Variants in RIMS3 observed in about 807,000 individuals in gnomAD.
RIMS3 encodes regulating synaptic membrane exocytosis 3.
A neutral mutation model predicts 29.2 loss-of-function variants in RIMS3; 15 were observed. The observed-to-expected ratio is 0.51, with a 90% CI of 0.34 to 0.79. The LOEUF is 0.79. Among genes scored for constraint, RIMS3 ranks in the 30% least tolerant of loss-of-function variants. The pLI is 0.01. For synonymous variants in RIMS3, 161 were observed against 170.1 expected (o/e 0.95, Z 0.41); for missense variants, 342 against 421.4 (o/e 0.81, Z 1.65).
Position 40,623,265 on chromosome 1 carries a change from A to C in RIMS3, c.*3252T>G, listed in dbSNP as rs1307338864. ...AACCAGATGGGGAGTCATTTTGGAG[A>C]TGATTCTTCCCTGAAGGATCAAGTT... On this transcript the variant is annotated 3_prime_UTR_variant, in exon 8 of 8. Coordinates refer to ENST00000372684, the MANE Select transcript of RIMS3 (RefSeq NM_014747.3). 2.5e-6 allele frequency: 1 copy of C among 397,156 alleles called. No homozygotes were observed. The highest frequency in any genetic ancestry group is 2.1e-5 in the African/African-American group (1 of 48,606). 24.6% of individuals were successfully genotyped at this position (397,156 alleles called of 1,614,324 possible).
chr1:40,648,780 G>A (rs1646611494), intron 1 of RIMS3, among the ~76,000 whole-genome samples: 1 of 152,190 alleles, frequency 6.6e-6, no homozygotes, highest in Non-Finnish European at 1.5e-5. Context: ...TCTGGGATCA[G>A]GGTCCCTGCA....
At chr1:40,658,758 G>A (rs1009629382) in intron 1 of RIMS3, among the ~76,000 whole-genome samples, 1 of 152,210 alleles carries the variant, frequency 6.6e-6, no homozygotes, top group Non-Finnish European at 1.5e-5. Context: ...GCAGAGAATG[G>A]CTGCTTCAAG....
At chr1:40,678,322 C>T in the RIMS3 span, among the ~76,000 whole-genome samples, 1 of 152,206 alleles carries the variant, frequency 6.6e-6, no homozygotes, top group African/African-American at 2.4e-5. Flanking sequence ...GCAGGAAAAT[C>T]GCTTGAACCT....
chr1:40,629,179 C>T (rs1006520888), intron 6 of RIMS3, 92 bp downstream of exon 6: 11 of 1,219,886 alleles, frequency 9.0e-6, no homozygotes, highest in South Asian at 2.5e-5. Context: ...TAAAGAATCC[C>T]GATTTAGGCC....
intron 1 of RIMS3, among the ~76,000 whole-genome samples, chr1:40,662,036 G>A (rs1184858921): frequency 6.6e-6 from 1 of 152,172 alleles, no homozygotes; most frequent in African/African-American, 2.4e-5. Context: ...GTAGGAGAGG[G>A]CAAAAAGTCA....
At chr1:40,645,391 C>T (rs1646587772) in intron 2 of RIMS3, among the ~76,000 whole-genome samples, 1 of 152,118 alleles carries the variant, frequency 6.6e-6, no homozygotes, top group South Asian at 2.1e-4. Context: ...AGGACTTGTT[C>T]ATACTAGCCA....
chr1:40,684,094 G>C, the RIMS3 span, among the ~76,000 whole-genome samples: 1 of 152,186 alleles, frequency 6.6e-6, no homozygotes, highest in South Asian at 2.1e-4. Flanking sequence ...ATTTGAAATT[G>C]AGCCTAAGAA....
At chr1:40,683,851 T>C in the RIMS3 span, among the ~76,000 whole-genome samples, 3 of 152,236 alleles carry the variant, frequency 2.0e-5, no homozygotes, top group Non-Finnish European at 2.9e-5. Context: ...CCTCTTTTCC[T>C]TTATTTATTC....
rs372231181 is a variant in RIMS3, at chr1:40,645,942, A to G, written c.-32+1726T>C. On this transcript the variant is annotated intron_variant, in intron 2 of 7. Transcript: ENST00000372684. ...GGCCCAGCCTGCAGGCCACTCCCCA[A>G]GGGGCAGGAGGAGCCAGACCCAAAG... Among the ~76,000 whole-genome samples, 151 of 152,282 alleles carry G rather than the reference A, an allele frequency of 9.9e-4. 2 individuals are homozygous for G. The East Asian group carries it at 0.02, about 20-fold the overall frequency.
Position 40,636,900 on chromosome 1 carries a change from G to T in RIMS3, c.218-843C>A, listed in dbSNP as rs890558332. 2.0e-5 allele frequency among the ~76,000 whole-genome samples: 3 copies of T among 152,152 alleles called. No individual in the cohort carries two copies. The highest frequency in any genetic ancestry group is 7.2e-5 in the African/African-American group (3 of 41,440). On this transcript the variant is annotated intron_variant, in intron 3 of 7. Transcript: ENST00000372684. The surrounding 1 kb of genome is among the most constrained non-coding windows in gnomAD (Gnocchi z 4.2). ...CCTGGGTTTCCATGGCAACCTCCTCGGCATTGCAGTGTGGTCCCTCTAGAC... is the reference window on the plus strand; with the variant it reads ...CCTGGGTTTCCATGGCAACCTCCTCTGCATTGCAGTGTGGTCCCTCTAGAC...
At position 40,635,799 on chromosome 1, in the gene RIMS3, AG is replaced by A; in HGVS notation, c.359+116del. ...GGTATGAAGGAAGGCAGAGACACAG[AG>A]GACCCAGACATTTTAGCTGGAAACA... On this transcript the variant is annotated intron_variant, in intron 4 of 7. Transcript: ENST00000372684. The surrounding 1 kb of genome is among the most constrained non-coding windows in gnomAD (Gnocchi z 4.1). 7.4e-7 allele frequency: 1 copy of A among 1,354,190 alleles called. No homozygotes were observed. Among genetic ancestry groups the A allele is most frequent in the Non-Finnish European group, 1.0e-6 (1 of 978,484 alleles). The allele number at this position is 1,354,190 out of a possible 1,614,324, so 83.9% of individuals were successfully genotyped here. A position where few individuals can be genotyped will look rare whatever the true frequency, so the allele number is the denominator to read the frequency against.
chr1:40,637,973 ACCT>A (rs1364855410), intron 3 of RIMS3, among the ~76,000 whole-genome samples: 2 of 151,906 alleles, frequency 1.3e-5, no homozygotes, highest in African/African-American at 4.8e-5. Flanking sequence ...AGTTGGGGTC[ACCT>A]CCTCATGACC....
intron 7 of RIMS3, among the ~76,000 whole-genome samples, chr1:40,628,006 G>A (rs569581261): frequency 3.3e-5 from 5 of 152,278 alleles, no homozygotes; most frequent in Admixed American, 6.5e-5. Flanking sequence ...ACAGCCCCTG[G>A]CTCTAGCCTC....
Position 40,623,888 on chromosome 1 carries a change from G to A in RIMS3, c.*2629C>T, listed in dbSNP as rs1646437002. 1 of 218,222 alleles carries A rather than the reference G, an allele frequency of 4.6e-6. No individual in the cohort carries two copies. Among genetic ancestry groups the A allele is most frequent in the Non-Finnish European group, 9.0e-6 (1 of 111,272 alleles). 13.5% of individuals were successfully genotyped at this position (218,222 alleles called of 1,614,324 possible). ...CCTCATGGGGTAAAATCCAGGTGGG[G>A]ATGAGTAACTTATTTGGTGCAAAGG... On this transcript the variant is annotated 3_prime_UTR_variant, in exon 8 of 8. Coordinates refer to ENST00000372684, the MANE Select transcript of RIMS3 (RefSeq NM_014747.3).
chr1:40,652,391 T>C (rs1239511631), intron 1 of RIMS3, among the ~76,000 whole-genome samples: 1 of 152,206 alleles, frequency 6.6e-6, no homozygotes, highest in Non-Finnish European at 1.5e-5. Flanking sequence ...TGCTGGTCCA[T>C]GGACCACCCA....
intron 7 of RIMS3, among the ~76,000 whole-genome samples, chr1:40,627,154 C>T (rs915022792): frequency 1.6e-4 from 25 of 152,198 alleles, no homozygotes; most frequent in Non-Finnish European, 1.2e-4. Flanking sequence ...GGCCATAGCT[C>T]TAGCTGTGCT....
chr1:40,629,892 T>C (rs1016218887), intron 5 of RIMS3, among the ~76,000 whole-genome samples: 6 of 151,954 alleles, frequency 3.9e-5, no homozygotes, highest in African/African-American at 1.4e-4. Context: ...CTGGCTAACA[T>C]GGTGAAACCC....
the RIMS3 span, among the ~76,000 whole-genome samples, chr1:40,676,079 T>C: frequency 1.3e-5 from 2 of 152,072 alleles, no homozygotes; most frequent in African/African-American, 4.8e-5. Flanking sequence ...GGTGAGAAGA[T>C]AGAGAATAAA....
intron 2 of RIMS3, among the ~76,000 whole-genome samples, chr1:40,643,818 T>C (rs974873147): frequency 3.3e-5 from 5 of 152,150 alleles, no homozygotes; most frequent in African/African-American, 1.2e-4. Context: ...CTTATTTCTT[T>C]AGGACTGATT....
Sources: gnomAD v4.1 joint callset for allele counts (sites outside exome capture counted in the v4.1 genomes callset) on GRCh38, gnomAD v4.1.1 for gene constraint, Gnocchi (gnomAD v3.1) non-coding constraint, MANE v1.5 for transcripts, NCBI Gene and HGNC (gene_info 2026-07-23, HGNC 2026-07-21) for gene names.